ZFAT: variants seen among roughly 807,000 people sequenced by gnomAD.
ZFAT encodes zinc finger protein ZFAT.
ZFAT carries 64 observed loss-of-function variants against 117.7 expected under a neutral mutation model. The observed-to-expected ratio is 0.54, with a 90% CI of 0.44 to 0.67. ZFAT has a LOEUF of 0.67. ZFAT is among the 30% of genes least tolerant of loss of function. The pLI, the probability that ZFAT is intolerant of heterozygous loss-of-function variation, is 0.00. For synonymous variants in ZFAT, 679 were observed against 615.0 expected (o/e 1.10, Z -1.54); for missense variants, 1,433 against 1,584.5 (o/e 0.90, Z 1.62).
chr8:134,590,737 C>T (rs1009499125), intron 7 of ZFAT, among the ~76,000 whole-genome samples: 4 of 151,348 alleles, frequency 2.6e-5, no homozygotes, highest in Non-Finnish European at 5.9e-5. Context: ...CCACCAACAC[C>T]ACCACCACCA....
At chr8:134,566,803 G>A (rs780422686) in intron 10 of ZFAT, among the ~76,000 whole-genome samples, 16 of 152,170 alleles carry the variant, frequency 1.1e-4, no homozygotes, top group Admixed American at 3.9e-4. Context: ...GTATGTTACT[G>A]GATGACTGTA....
At chr8:134,591,320 C>T (rs1344262095) in intron 7 of ZFAT, among the ~76,000 whole-genome samples, 2 of 152,234 alleles carry the variant, frequency 1.3e-5, no homozygotes, top group Non-Finnish European at 2.9e-5. Flanking sequence ...CCTCCTGCCC[C>T]TCGGTGTCCC....
chr8:134,717,589 TTCTCCTGC>T (rs901233977), upstream of ZFAT, among the ~76,000 whole-genome samples: 1 of 147,464 alleles, frequency 6.8e-6, no homozygotes, highest in Admixed American at 6.8e-5. Flanking sequence ...GTTCATGCCA[TTCTCCTGC>T]TCAGCCTTCC....
At chr8:134,781,980 A>C in the ZFAT span, among the ~76,000 whole-genome samples, 1 of 152,226 alleles carries the variant, frequency 6.6e-6, no homozygotes, top group East Asian at 1.9e-4. Flanking sequence ...CAATAGCAGT[A>C]GTTAAGTTTG....
chr8:134,665,067 G>A (rs931156316), intron 1 of ZFAT, among the ~76,000 whole-genome samples: 2 of 152,178 alleles, frequency 1.3e-5, no homozygotes, highest in Non-Finnish European at 2.9e-5. Flanking sequence ...GAACAGCCAG[G>A]TCCTGTCTGC....
the ZFAT span, among the ~76,000 whole-genome samples, chr8:134,733,723 C>T: frequency 2.6e-5 from 4 of 152,214 alleles, no homozygotes; most frequent in Non-Finnish European, 5.9e-5. Context: ...ATGAGAAACC[C>T]AGTTTTCCAT....
At chr8:134,766,474 T>C in the ZFAT span, 1 of 152,208 alleles carries the variant, frequency 6.6e-6, no homozygotes, top group Non-Finnish European at 1.5e-5. Context: ...CAATCATCTG[T>C]CATGCCCATC....
At chr8:134,657,797 C>A (rs1831703098) in intron 1 of ZFAT, 60 bp from the exon 2 acceptor site, 3 of 1,550,514 alleles carry the variant, frequency 1.9e-6, no homozygotes, top group Admixed American at 3.6e-5. Context: ...TTATTACTTC[C>A]AATTGCCAAA....
Position 134,658,056 on chromosome 8 carries a change from G to A in ZFAT, c.20-319C>T, listed in dbSNP as rs150361831. Among the ~76,000 whole-genome samples the A allele has an allele frequency of 1.3e-4, 20 of 152,328 alleles. No individual in the cohort carries two copies. In the East Asian group the frequency reaches 2.7e-3, roughly 21 times the overall value. ...ACAGCCAAGTAAAAAATAAATATGCGGCCGGGCGCGGTGGCGCACGCCTGT... is the reference window on the plus strand; with the variant it reads ...ACAGCCAAGTAAAAAATAAATATGCAGCCGGGCGCGGTGGCGCACGCCTGT... On this transcript the variant is annotated intron_variant, in intron 1 of 15. Coordinates refer to ENST00000377838, the MANE Select transcript of ZFAT (RefSeq NM_020863.4).
chr8:134,829,056 G>T, the ZFAT span, among the ~76,000 whole-genome samples: 1 of 152,150 alleles, frequency 6.6e-6, no homozygotes, highest in Non-Finnish European at 1.5e-5. Flanking sequence ...TGACAACAAG[G>T]TGCTTTTGAT....
chr8:134,644,368 A>G (rs1218773836), intron 2 of ZFAT, among the ~76,000 whole-genome samples: 1 of 152,344 alleles, frequency 6.6e-6, no homozygotes, highest in Non-Finnish European at 1.5e-5. Context: ...CGGGAGACCC[A>G]TGTACATTCT....
chr8:134,614,382 C>T (rs967393047), intron 3 of ZFAT, among the ~76,000 whole-genome samples: 1 of 152,198 alleles, frequency 6.6e-6, no homozygotes, highest in Non-Finnish European at 1.5e-5. Flanking sequence ...TCCTGATCCA[C>T]ACACCTCTGC....
chr8:134,544,455 T>TAA (rs200618967), intron 11 of ZFAT, among the ~76,000 whole-genome samples: 4 of 151,064 alleles, frequency 2.6e-5, no homozygotes, highest in Admixed American at 2.6e-4. Context: ...AATTTTTTTT[T>TAA]AAAAAAATTA....
chr8:134,661,871 A>T (rs1831950925), intron 1 of ZFAT, among the ~76,000 whole-genome samples: 1 of 152,144 alleles, frequency 6.6e-6, no homozygotes, highest in Non-Finnish European at 1.5e-5. Flanking sequence ...GCAGCGCAAG[A>T]CGGGGTGGGG....
intron 11 of ZFAT, among the ~76,000 whole-genome samples, chr8:134,557,491 T>C (rs1472814917): frequency 1.3e-5 from 2 of 152,252 alleles, no homozygotes; most frequent in Admixed American, 1.3e-4. Context: ...GATTCACTAG[T>C]TGTAACAAAT....
At chr8:134,702,801 A>G (rs561743285) in intron 1 of ZFAT, among the ~76,000 whole-genome samples, 83 of 151,934 alleles carry the variant, frequency 5.5e-4, no homozygotes, top group African/African-American at 1.9e-3. Flanking sequence ...CCTCCCGAGT[A>G]GCTGGGACTA....
At chr8:134,714,825 C>G (rs1213704505), upstream of ZFAT, among the ~76,000 whole-genome samples, 3 of 151,840 alleles carry the variant, frequency 2.0e-5, no homozygotes, top group African/African-American at 7.3e-5. Flanking sequence ...CCCACCACAT[C>G]TAAAATGTAC....
At chr8:134,704,121 T>TC (rs1337782792) in intron 1 of ZFAT, among the ~76,000 whole-genome samples, 3 of 151,882 alleles carry the variant, frequency 2.0e-5, no homozygotes, top group Non-Finnish European at 2.9e-5. Flanking sequence ...CAGTTCTGCT[T>TC]CCCCCCAGGG....
At position 134,610,497 on chromosome 8, in the gene ZFAT, C is replaced by A; in HGVS notation, c.607G>T (p.Val203Phe). 6.2e-7 allele frequency: 1 copy of A among 1,614,096 alleles called. No homozygotes were observed. The highest frequency in any genetic ancestry group is 8.5e-7 in the Non-Finnish European group (1 of 1,180,018). The change falls in exon 4 of 16, where the codon GTT becomes TTT. Residue 203 changes from valine to phenylalanine, a missense_variant. This residue lies in a region of ZFAT where 436 missense variants were observed against 482.0 expected (regional missense o/e 0.90). Transcript: ENST00000377838. ...GGAATTGCTTCGTGTGCAGTTAAAA[C>A]CACACTTATGATGGGTTTCTTCGCC... is the stretch of plus-strand genomic sequence containing the variant. ...SGAKKPIISV[V>F]LTAHEAIPGA...
Sources: gnomAD v4.1 joint callset for allele counts (sites outside exome capture counted in the v4.1 genomes callset) on GRCh38, gnomAD v4.1.1 for gene constraint, gnomAD v4.1.1 regional missense constraint, MANE v1.5 for transcripts, NCBI Gene and HGNC (gene_info 2026-07-23, HGNC 2026-07-21) for gene names.